Variants in MARCHF1 observed in about 807,000 individuals in gnomAD.
The protein encoded by MARCHF1 is E3 ubiquitin-protein ligase MARCHF1.
In MARCHF1, 40 loss-of-function variants were observed where a neutral mutation model predicts 54.2. The ratio of observed to expected loss-of-function variants is 0.74; its 90% confidence interval spans 0.57 to 0.96. The LOEUF is 0.96. Ranked by LOEUF, MARCHF1 falls within the 40% of genes least tolerant of loss-of-function variation. The pLI, the probability that MARCHF1 is intolerant of heterozygous loss-of-function variation, is 0.00. For synonymous variants in MARCHF1, 236 were observed against 236.3 expected (o/e 1.00, Z 0.01); for missense variants, 586 against 656.5 (o/e 0.89, Z 1.17).
intron 2 of MARCHF1, among the ~76,000 whole-genome samples, chr4:164,000,149 T>C (rs1026861369): frequency 6.6e-6 from 1 of 151,732 alleles, no homozygotes; most frequent in African/African-American, 2.4e-5. Context: ...TCTATAGTAA[T>C]GTTTTTGCTA....
intron 3 of MARCHF1, among the ~76,000 whole-genome samples, chr4:163,924,007 G>C (rs1751487219): frequency 1.3e-5 from 2 of 151,900 alleles, no homozygotes; most frequent in Non-Finnish European, 2.9e-5. Flanking sequence ...AACATTTTTA[G>C]AATATCTGAT....
At chr4:164,180,614 T>C (rs1205785560) in intron 1 of MARCHF1, among the ~76,000 whole-genome samples, 2 of 152,200 alleles carry the variant, frequency 1.3e-5, no homozygotes, top group Admixed American at 1.3e-4. Context: ...GACAGTGATA[T>C]ATCATCTTTA....
At chr4:164,009,463 A>C (rs941456779) in intron 2 of MARCHF1, among the ~76,000 whole-genome samples, 5 of 152,162 alleles carry the variant, frequency 3.3e-5, no homozygotes, top group African/African-American at 1.2e-4. Flanking sequence ...CATTACCCTG[A>C]CACCAAAAGC....
chr4:164,209,381 TC>T (rs1209426527), intron 1 of MARCHF1, among the ~76,000 whole-genome samples: 1 of 152,174 alleles, frequency 6.6e-6, no homozygotes, highest in Non-Finnish European at 1.5e-5. Context: ...CCAGGGAGGT[TC>T]TTATGGCCCA....
At chr4:163,900,677 G>A (rs4312718) in intron 3 of MARCHF1, among the ~76,000 whole-genome samples, 12,963 of 152,038 alleles carry the variant, frequency 0.085, 721 homozygotes, top group Non-Finnish European at 0.12. Context: ...AATTGTTTCC[G>A]CTGGCATGGA....
At chr4:164,062,105 A>C (rs1754630587) in intron 2 of MARCHF1, among the ~76,000 whole-genome samples, 1 of 152,202 alleles carries the variant, frequency 6.6e-6, no homozygotes, top group Non-Finnish European at 1.5e-5. Flanking sequence ...TTGTTGTTTC[A>C]ACAAGGTTCA....
At chr4:163,776,778 T>C (rs1381688381) in intron 4 of MARCHF1, among the ~76,000 whole-genome samples, 2 of 152,170 alleles carry the variant, frequency 1.3e-5, no homozygotes, top group Non-Finnish European at 2.9e-5. Flanking sequence ...TGAAAGTATC[T>C]TGTAAGTATT....
Position 163,612,604 on chromosome 4 carries a change from T to C in MARCHF1, c.677A>G (p.Glu226Gly). 6.5e-7 allele frequency: 1 copy of C among 1,535,632 alleles called. No homozygotes were observed. Among genetic ancestry groups the C allele is most frequent in the Non-Finnish European group, 8.7e-7 (1 of 1,146,556 alleles). The change falls in exon 7 of 10, where the codon GAG (glutamate) becomes GGG (glycine). Residue 226 changes from glutamate (E) to glycine (G), a missense_variant. Around this residue, in one of 3 missense-constraint regions of MARCHF1, gnomAD observed 387 missense variants for 394.6 expected, o/e 0.98. Transcript: ENST00000514618. Reference protein sequence around the residue: ...GKEQQELIECESCSLNLHRGK... With the variant: ...GKEQQELIECGSCSLNLHRGK... ...TCTGTGGAGATTTAAAGAGCAACTC[T>C]CACATTCAATCAGCTCTTGTTGCTC... is the stretch of plus-strand genomic sequence containing the variant.
intron 1 of MARCHF1, among the ~76,000 whole-genome samples, chr4:164,186,746 T>C (rs961888409): frequency 2.0e-5 from 3 of 152,230 alleles, no homozygotes; most frequent in Admixed American, 6.5e-5. Context: ...GAAGAGTTCA[T>C]TCTTATCTCC....
intron 4 of MARCHF1, among the ~76,000 whole-genome samples, chr4:163,747,435 G>A (rs1561055529): frequency 6.6e-6 from 1 of 152,264 alleles, no homozygotes; most frequent in East Asian, 1.9e-4. Flanking sequence ...GTCAAAACTC[G>A]AAATTCACAA....
At chr4:163,645,189 T>C (rs1742707719) in intron 5 of MARCHF1, among the ~76,000 whole-genome samples, 1 of 152,124 alleles carries the variant, frequency 6.6e-6, no homozygotes, top group South Asian at 2.1e-4. Flanking sequence ...GTCCTGAAGA[T>C]AGTTCAGTCC....
At chr4:164,028,715 G>A (rs1160867943) in intron 2 of MARCHF1, among the ~76,000 whole-genome samples, 1 of 152,000 alleles carries the variant, frequency 6.6e-6, no homozygotes, top group African/African-American at 2.4e-5. Context: ...GGTACCTCTT[G>A]AATCTAAAAT....
intron 1 of MARCHF1, among the ~76,000 whole-genome samples, chr4:164,259,611 T>C (rs1733407094): frequency 7.1e-6 from 1 of 140,396 alleles, no homozygotes; most frequent in Admixed American, 7.1e-5. Context: ...AGAAGAAGTA[T>C]AGCCACAATA....
intron 2 of MARCHF1, among the ~76,000 whole-genome samples, chr4:164,018,768 T>C (rs750452613): frequency 6.6e-6 from 1 of 152,210 alleles, no homozygotes; most frequent in Non-Finnish European, 1.5e-5. Flanking sequence ...CTTTTGCTTA[T>C]CATAATAATG....
chr4:164,090,676 A>G (rs1268691703), intron 2 of MARCHF1, among the ~76,000 whole-genome samples: 3 of 152,280 alleles, frequency 2.0e-5, no homozygotes, highest in Admixed American at 2.0e-4. Flanking sequence ...TAATCTCAAG[A>G]TTAACAGGAT....
intron 5 of MARCHF1, among the ~76,000 whole-genome samples, chr4:163,684,554 TATTTC>T (rs1189153184): frequency 6.6e-6 from 1 of 152,248 alleles, no homozygotes; most frequent in Non-Finnish European, 1.5e-5. Flanking sequence ...TTTTATTCTG[TATTTC>T]ATTTCTAATT....
At chr4:163,592,306 A>T (rs1740617340) in intron 7 of MARCHF1, among the ~76,000 whole-genome samples, 1 of 152,108 alleles carries the variant, frequency 6.6e-6, no homozygotes, top group South Asian at 2.1e-4. Flanking sequence ...TCAAAGGAAT[A>T]TTTTCAACTC....
intron 2 of MARCHF1, among the ~76,000 whole-genome samples, chr4:164,106,799 G>T (rs946969619): frequency 2.7e-5 from 4 of 149,884 alleles, no homozygotes; most frequent in Non-Finnish European, 4.4e-5. Context: ...AAAGGAATAA[G>T]CTGCCAGCCA....
intron 7 of MARCHF1, among the ~76,000 whole-genome samples, chr4:163,609,423 A>G (rs1045613742): frequency 3.3e-5 from 5 of 151,986 alleles, no homozygotes; most frequent in Non-Finnish European, 7.4e-5. Flanking sequence ...GATTGTCCTC[A>G]TTCACTTGGT....
Sources: gnomAD v4.1 joint callset for allele counts (sites outside exome capture counted in the v4.1 genomes callset) on GRCh38, gnomAD v4.1.1 for gene constraint, gnomAD v4.1.1 regional missense constraint, MANE v1.5 for transcripts, NCBI Gene and HGNC (gene_info 2026-07-23, HGNC 2026-07-21) for gene names.